The following BCAS3 variants were observed in gnomAD, a reference collection of about 807,000 sequenced individuals.
BCAS3 encodes BCAS4/BCAS3 fusion.
BCAS3 carries 53 observed loss-of-function variants against 116.1 expected under a neutral mutation model. The observed-to-expected ratio is 0.46, with a 90% confidence interval of 0.37 to 0.57. The LOEUF (loss-of-function observed/expected upper bound fraction) is 0.57. BCAS3 is among the 20% of genes least tolerant of loss of function. The pLI, the probability that BCAS3 is intolerant of heterozygous loss-of-function variation, is 0.00. For synonymous variants in BCAS3, 391 were observed against 408.2 expected (o/e 0.96, Z 0.51); for missense variants, 917 against 1,165.4 (o/e 0.79, Z 3.10).
intron 14 of BCAS3, among the ~76,000 whole-genome samples, chr17:60,953,073 C>T (rs1482849869): frequency 2.0e-5 from 3 of 151,796 alleles, no homozygotes; most frequent in Admixed American, 2.0e-4. Context: ...CTGCAGTGAA[C>T]ATGTGCATGC....
At chr17:61,018,579 G>A (rs957022965) in intron 16 of BCAS3, among the ~76,000 whole-genome samples, 4 of 152,120 alleles carry the variant, frequency 2.6e-5, no homozygotes, top group African/African-American at 9.7e-5. Flanking sequence ...TGGGATTACA[G>A]GCATGAGCCA....
chr17:60,966,537 T>G (rs2061668684), intron 14 of BCAS3, among the ~76,000 whole-genome samples: 1 of 152,092 alleles, frequency 6.6e-6, no homozygotes, highest in Non-Finnish European at 1.5e-5. Context: ...AGACATCTTA[T>G]AATAGATATA....
chr17:61,209,543 T>C (rs1274318827), intron 22 of BCAS3, among the ~76,000 whole-genome samples: 2 of 152,204 alleles, frequency 1.3e-5, no homozygotes, highest in African/African-American at 4.8e-5. Flanking sequence ...TTATCCGAAA[T>C]GTCAAGGGCA....
At chr17:61,046,058 TATATATATATAATATATATATATTTA>T (rs2068257927) in intron 19 of BCAS3, among the ~76,000 whole-genome samples, 2 of 19,068 alleles carry the variant, frequency 1.0e-4, no homozygotes, top group African/African-American at 8.4e-4. Flanking sequence ...ATATATATAT[TATATATATATAATATATATATATTTA>T]TATATATATA....
At chr17:60,778,936 C>A (rs1235975460) in intron 6 of BCAS3, among the ~76,000 whole-genome samples, 1 of 151,992 alleles carries the variant, frequency 6.6e-6, no homozygotes, top group African/African-American at 2.4e-5. Context: ...GTAAAATTTC[C>A]TTGTGTCTGA....
intron 22 of BCAS3, among the ~76,000 whole-genome samples, chr17:61,201,705 A>G (rs1052808625): frequency 6.6e-6 from 1 of 152,184 alleles, no homozygotes. Context: ...GGCTTTTAAA[A>G]AAGCCTTTTC....
rs1052337055 is a variant in BCAS3, at chr17:61,276,855, C to T, written c.2426-91472C>T. On this transcript the variant is annotated intron_variant, in intron 22 of 23. Transcript: ENST00000407086. This position sits in a 1 kb window ranked among gnomAD's most constrained non-coding sequence, Gnocchi z 4.2. Reference sequence around the variant, plus strand: ...AGTGTGGTACTGGCATAAGGATAGACATATACCATAATGGAATAGAATTGA... The same window carrying T: ...AGTGTGGTACTGGCATAAGGATAGATATATACCATAATGGAATAGAATTGA... Among the ~76,000 whole-genome samples, 1 of 152,150 alleles carries T rather than the reference C, an allele frequency of 6.6e-6. No homozygotes were observed. The highest frequency in any genetic ancestry group is 1.5e-5 in the Non-Finnish European group (1 of 68,032).
At chr17:61,129,948 A>T (rs2076242706) in intron 22 of BCAS3, among the ~76,000 whole-genome samples, 1 of 152,228 alleles carries the variant, frequency 6.6e-6, no homozygotes, top group Non-Finnish European at 1.5e-5. Context: ...TCTGTACTTA[A>T]CAAAGACTGC....
Position 61,285,153 on chromosome 17 carries a change from G to GGACCAC in BCAS3, c.2426-83173_2426-83168dup, listed in dbSNP as rs1302616691. ...AACTGCTTCCACCTGGGCAGACCAG[G>GGACCAC]GACCACAGGAACCAGAGAAATGAAA... On this transcript the variant is annotated intron_variant, in intron 22 of 23. Transcript: ENST00000407086. This position sits in a 1 kb window ranked among gnomAD's most constrained non-coding sequence, Gnocchi z 5.4. Among the ~76,000 whole-genome samples, 2 of 151,894 alleles carry GGACCAC rather than the reference G, an allele frequency of 1.3e-5. No homozygotes were observed. The highest frequency in any genetic ancestry group is 4.8e-5 in the African/African-American group (2 of 41,298).
rs1400875839 is a variant in BCAS3, at chr17:61,224,481, C to T, written c.2425+139917C>T. Among the ~76,000 whole-genome samples, 1 of 152,174 alleles carries T rather than the reference C, an allele frequency of 6.6e-6. No individual in the cohort carries two copies. Among genetic ancestry groups the T allele is most frequent in the African/African-American group, 2.4e-5 (1 of 41,452 alleles). On this transcript the variant is annotated intron_variant, in intron 22 of 23. Transcript: ENST00000407086. This position sits in a 1 kb window ranked among gnomAD's most constrained non-coding sequence, Gnocchi z 5.7. ...AACAGGGTGTACATATGGGGACGAG[C>T]AGGTGGTTTGGTTTGCCCATCAGAC...
chr17:61,168,316 G>A (rs999636480), intron 22 of BCAS3, among the ~76,000 whole-genome samples: 1 of 151,860 alleles, frequency 6.6e-6, no homozygotes, highest in Non-Finnish European at 1.5e-5. Context: ...GACCTCTCTC[G>A]TTCCTTGAGC....
At chr17:60,975,356 A>C (rs893264759) in intron 14 of BCAS3, among the ~76,000 whole-genome samples, 3 of 152,216 alleles carry the variant, frequency 2.0e-5, no homozygotes, top group African/African-American at 7.2e-5. Context: ...ATAGGCACAG[A>C]TAAAAATGCT....
In BCAS3 at chr17:61,139,416, CCTT is replaced by C. The variant is rs1472561000; in HGVS notation, c.2425+54857_2425+54859del. ...GTGTTTCCTCTTACACATGTGTCTT[CCTT>C]CTTCAGTTTCTCAGTCTGTCGAGAG... On this transcript the variant is annotated intron_variant, in intron 22 of 23. Coordinates refer to ENST00000407086, the MANE Select transcript of BCAS3 (RefSeq NM_017679.5). This position sits in a 1 kb window ranked among gnomAD's most constrained non-coding sequence, Gnocchi z 4.7. 6.6e-6 allele frequency among the ~76,000 whole-genome samples: 1 copy of C among 152,274 alleles called. No homozygotes were observed. The highest frequency in any genetic ancestry group is 1.9e-4 in the East Asian group (1 of 5,176).
chr17:60,857,987 G>A (rs1367909977), intron 7 of BCAS3, among the ~76,000 whole-genome samples: 1 of 151,968 alleles, frequency 6.6e-6, no homozygotes, highest in Non-Finnish European at 1.5e-5. Flanking sequence ...CCAGTGAAGT[G>A]ATCGGAGTTC....
In BCAS3 at chr17:61,228,872, C is replaced by G. The variant is rs963147686; in HGVS notation, c.2426-139455C>G. Reference sequence around the variant, plus strand: ...TTCGCCTCTCACTTTAAATCAAAAGCTAGAAATGATTAAGCTTAGTGAGAA... The same window carrying G: ...TTCGCCTCTCACTTTAAATCAAAAGGTAGAAATGATTAAGCTTAGTGAGAA... On this transcript the variant is annotated intron_variant, in intron 22 of 23. Coordinates refer to ENST00000407086, the MANE Select transcript of BCAS3 (RefSeq NM_017679.5). The surrounding 1 kb of genome is among the most constrained non-coding windows in gnomAD (Gnocchi z 5.0). Among the ~76,000 whole-genome samples, 2 of 152,114 alleles carry G rather than the reference C, an allele frequency of 1.3e-5. No homozygotes were observed. Among genetic ancestry groups the G allele is most frequent in the Non-Finnish European group, 2.9e-5 (2 of 68,024 alleles).
At position 61,105,020 on chromosome 17, in the gene BCAS3, C is replaced by T. The variant is rs142568609; in HGVS notation, c.2425+20456C>T. ...TGTAATACATACTTCAGGTAACCTC[C>T]GTGGGTTTCCTCACTGCTGTTGGCT... is the stretch of plus-strand genomic sequence containing the variant. On this transcript the variant is annotated intron_variant, in intron 22 of 23. Transcript: ENST00000407086. This position sits in a 1 kb window ranked among gnomAD's most constrained non-coding sequence, Gnocchi z 4.3. Among the ~76,000 whole-genome samples the T allele has an allele frequency of 2.8e-3, 430 of 152,288 alleles. 1 individual carries two copies. The highest frequency in any genetic ancestry group is 9.5e-3 in the African/African-American group (393 of 41,550).
In BCAS3 at chr17:61,128,232, C is replaced by A. The variant is rs1206512343; in HGVS notation, c.2425+43668C>A. The A allele has an allele frequency of 2.0e-6, 2 of 985,192 alleles. No individual in the cohort carries two copies. The highest frequency in any genetic ancestry group is 3.5e-5 in the African/African-American group (2 of 57,184). The allele number at this position is 985,192 out of a possible 1,614,324, so 61.0% of individuals were successfully genotyped here. On this transcript the variant is annotated intron_variant, in intron 22 of 23. Coordinates refer to ENST00000407086, the MANE Select transcript of BCAS3 (RefSeq NM_017679.5). The surrounding 1 kb of genome is among the most constrained non-coding windows in gnomAD (Gnocchi z 4.1). The stretch of plus-strand genomic sequence containing the variant: ...AAGGATGAGTACATGAAGATGAAGC[C>A]CATGCAATGAGGACAGCCTAGGCCG...
At chr17:61,102,305 T>C (rs1017128187) in intron 22 of BCAS3, among the ~76,000 whole-genome samples, 2 of 152,158 alleles carry the variant, frequency 1.3e-5, no homozygotes, top group African/African-American at 2.4e-5. Flanking sequence ...AACATCTGTT[T>C]TTAAATCTTG....
Position 61,068,347 on chromosome 17 carries a change from A to C in BCAS3, c.2030-6573A>C, listed in dbSNP as rs561591654. On this transcript the variant is annotated intron_variant, in intron 19 of 23. Transcript: ENST00000407086. This position sits in a 1 kb window ranked among gnomAD's most constrained non-coding sequence, Gnocchi z 4.3. ...TTCTCTAGGGTGTTCAGGGTATAAA[A>C]GTATGAGGTAAGGGATTTGGGGACA... is the stretch of plus-strand genomic sequence containing the variant. Among the ~76,000 whole-genome samples, 7 of 152,314 alleles carry C rather than the reference A, an allele frequency of 4.6e-5. No individual in the cohort carries two copies. The South Asian group carries it at 1.5e-3, about 32-fold the overall frequency.
Sources: allele counts gnomAD v4.1 joint callset (sites outside exome capture counted in the v4.1 genomes callset), GRCh38; gene constraint gnomAD v4.1.1; non-coding constraint Gnocchi (gnomAD v3.1); transcripts MANE v1.5; gene names NCBI Gene and HGNC (gene_info 2026-07-23, HGNC 2026-07-21).